Variants in CPNE8 observed in about 807,000 individuals in gnomAD.
The protein encoded by CPNE8 is copine 8.
In CPNE8, 45 loss-of-function variants were observed where a neutral mutation model predicts 81.5. The ratio of observed to expected loss-of-function variants is 0.55; its 90% CI spans 0.44 to 0.71. The LOEUF (loss-of-function observed/expected upper bound fraction) is 0.71. CPNE8 is among the 30% of genes least tolerant of loss of function. The probability of loss-of-function intolerance (pLI) is 0.00; values close to 1 mark genes in which losing one functional copy is unlikely to be tolerated. For missense variants in CPNE8, 594 were observed against 672.1 expected (o/e 0.88, Z 1.28); for synonymous variants, 252 against 226.3 (o/e 1.11, Z -1.02).
intron 6 of CPNE8, among the ~76,000 whole-genome samples, chr12:38,798,737 G>GA (rs1164164767): frequency 1.4e-3 from 212 of 152,156 alleles, no homozygotes; most frequent in African/African-American, 5.0e-3. Context: ...TGCTCCAATT[G>GA]AAAGACACAG....
intron 3 of CPNE8, among the ~76,000 whole-genome samples, chr12:38,868,004 A>G (rs1186957804): frequency 1.3e-5 from 2 of 152,154 alleles, no homozygotes; most frequent in East Asian, 3.8e-4. Context: ...ATTTGTTTCA[A>G]TACATTTTTA....
intron 10 of CPNE8, among the ~76,000 whole-genome samples, chr12:38,732,484 G>A (rs1436456996): frequency 6.6e-6 from 1 of 151,922 alleles, no homozygotes. Context: ...CTACAGAATT[G>A]AGCAGTGAAC....
chr12:38,704,828 A>G (rs970486416), intron 13 of CPNE8, among the ~76,000 whole-genome samples: 1 of 45,474 alleles, frequency 2.2e-5, no homozygotes, highest in African/African-American at 5.0e-5. Context: ...ATGTATGTGT[A>G]TATATATATA....
At chr12:38,706,748 C>T (rs1940117222) in intron 13 of CPNE8, among the ~76,000 whole-genome samples, 1 of 152,192 alleles carries the variant, frequency 6.6e-6, no homozygotes, top group Non-Finnish European at 1.5e-5. Context: ...TCTCTTGCAA[C>T]AGTGTCTGCA....
chr12:38,875,859 C>T (rs4768015), intron 1 of CPNE8, among the ~76,000 whole-genome samples: 16 of 152,278 alleles, frequency 1.1e-4, no homozygotes, highest in Admixed American at 8.5e-4. Flanking sequence ...ACTCCAGCAA[C>T]GGTTAGCAAA....
chr12:38,671,418 A>G lies in CPNE8; in HGVS notation c.1433-616T>C, dbSNP rs553848557. Among the ~76,000 whole-genome samples the G allele has an allele frequency of 2.6e-5, 4 of 152,274 alleles. No homozygotes were observed. In the South Asian group the frequency reaches 6.2e-4, roughly 24 times the overall value. On this transcript the variant is annotated intron_variant, in intron 18 of 19. Coordinates refer to ENST00000331366, the MANE Select transcript of CPNE8 (RefSeq NM_153634.3). Reference sequence around the variant, plus strand: ...GTACAATTTTTTTGTTGATTAAGAAATAATTTTGACATTTCCTAGATCAGC... The same window carrying G: ...GTACAATTTTTTTGTTGATTAAGAAGTAATTTTGACATTTCCTAGATCAGC...
At chr12:38,884,764 G>A (rs761072503) in intron 1 of CPNE8, among the ~76,000 whole-genome samples, 7 of 151,926 alleles carry the variant, frequency 4.6e-5, no homozygotes, top group Admixed American at 2.6e-4. Context: ...ATCACCACAC[G>A]TTTTATCAGT....
intron 10 of CPNE8, among the ~76,000 whole-genome samples, chr12:38,731,820 C>T (rs565751757): frequency 3.3e-5 from 5 of 151,864 alleles, no homozygotes; most frequent in Non-Finnish European, 5.9e-5. Context: ...GTATGAAATC[C>T]GGTAACATTG....
At chr12:38,763,399 A>G (rs1355613791) in intron 8 of CPNE8, among the ~76,000 whole-genome samples, 1 of 152,232 alleles carries the variant, frequency 6.6e-6, no homozygotes, top group African/African-American at 2.4e-5. Flanking sequence ...GGATAAAGAA[A>G]ATGTTCATAG....
At chr12:38,868,315 A>G (rs1472516676) in intron 3 of CPNE8, among the ~76,000 whole-genome samples, 1 of 152,168 alleles carries the variant, frequency 6.6e-6, no homozygotes, top group African/African-American at 2.4e-5. Flanking sequence ...GGTCAAATTG[A>G]TAAATAAAGG....
Position 38,712,120 on chromosome 12 carries a change from GA to G in CPNE8, c.915-9200del, listed in dbSNP as rs891443231. Among the ~76,000 whole-genome samples, 24 of 145,892 alleles carry G rather than the reference GA, an allele frequency of 1.6e-4. 1 individual carries two copies. Among genetic ancestry groups the G allele is most frequent in the South Asian group, 4.3e-4 (2 of 4,636 alleles). On this transcript the variant is annotated intron_variant, in intron 13 of 19. Transcript: ENST00000331366. ...TTTTCGAATAAGAAATGGGATTAAG[GA>G]AAAAAAAAACTTTATAGTGTTGCAT...
At chr12:38,714,256 T>C (rs987600857) in intron 13 of CPNE8, among the ~76,000 whole-genome samples, 8 of 152,138 alleles carry the variant, frequency 5.3e-5, no homozygotes, top group African/African-American at 1.9e-4. Context: ...GAAATTATCT[T>C]AGATTTCATA....
intron 10 of CPNE8, among the ~76,000 whole-genome samples, chr12:38,751,507 T>C (rs1941352739): frequency 1.3e-5 from 2 of 152,210 alleles, no homozygotes; most frequent in African/African-American, 4.8e-5. Context: ...AAGCTTGATG[T>C]ATTTAAATCT....
intron 5 of CPNE8, among the ~76,000 whole-genome samples, chr12:38,833,942 G>C (rs111468752): frequency 0.054 from 8,174 of 152,170 alleles, 371 homozygotes; most frequent in Admixed American, 0.092. Context: ...GAAAAAGCAA[G>C]AACAAAGTCC....
At chr12:38,730,110 T>C (rs560860484) in intron 11 of CPNE8, among the ~76,000 whole-genome samples, 173 bp downstream of exon 11, 1 of 152,120 alleles carries the variant, frequency 6.6e-6, no homozygotes, top group East Asian at 1.9e-4. Flanking sequence ...TAAATGTGAC[T>C]TGAAGAAGTA....
chr12:38,862,856 T>A (rs1274657067), intron 3 of CPNE8, among the ~76,000 whole-genome samples: 1 of 151,970 alleles, frequency 6.6e-6, no homozygotes. Context: ...GGCTGACCAA[T>A]GAGAATCACT....
chr12:38,874,806 A>C (rs1452560607), intron 1 of CPNE8, among the ~76,000 whole-genome samples: 1 of 152,166 alleles, frequency 6.6e-6, no homozygotes, highest in Non-Finnish European at 1.5e-5. Flanking sequence ...TCTTTGAGAG[A>C]ATTAACTGTT....
intron 6 of CPNE8, among the ~76,000 whole-genome samples, chr12:38,779,207 T>C (rs1195514726): frequency 6.6e-6 from 1 of 152,098 alleles, no homozygotes; most frequent in African/African-American, 2.4e-5. Flanking sequence ...CAGATAACAT[T>C]GCAAGAAAAT....
At chr12:38,824,062 G>A (rs767733420) in intron 6 of CPNE8, among the ~76,000 whole-genome samples, 5 of 152,134 alleles carry the variant, frequency 3.3e-5, no homozygotes, top group Non-Finnish European at 7.4e-5. Flanking sequence ...GATGAGAAAC[G>A]TGTTTGCCCA....
Sources: allele counts gnomAD v4.1 joint callset (sites outside exome capture counted in the v4.1 genomes callset), GRCh38; gene constraint gnomAD v4.1.1; transcripts MANE v1.5; gene names NCBI Gene and HGNC (gene_info 2026-07-23, HGNC 2026-07-21).